The following PCDH11X variants were observed in gnomAD, a reference collection of about 807,000 sequenced individuals.
PCDH11X encodes protocadherin-11 X-linked.
Under a neutral mutation model 53.3 loss-of-function variants are expected in PCDH11X, and 18 were observed. The ratio of observed to expected loss-of-function variants is 0.34; its 90% CI spans 0.23 to 0.50. PCDH11X has a LOEUF of 0.50. PCDH11X is among the 20% of genes least tolerant of loss of function. The pLI is 0.98. For missense variants in PCDH11X, 570 were observed against 1,032.4 expected (o/e 0.55, Z 6.14); for synonymous variants, 279 against 393.3 (o/e 0.71, Z 3.44).
chrX:92,196,250 T>G (rs2066290507), intron 6 of PCDH11X, among the ~76,000 whole-genome samples: 1 of 112,128 alleles, frequency 8.9e-6, no homozygotes, highest in African/African-American at 3.2e-5. Flanking sequence ...TAGATACATT[T>G]TAAACATTTA....
At chrX:92,460,778 G>C in intron 9 of PCDH11X, 2 of 1,166,004 alleles carry the variant, frequency 1.7e-6, no homozygotes, top group Non-Finnish European at 2.3e-6. Flanking sequence ...AGGTCAAGCT[G>C]GAGGCTGAGA....
chrX:92,148,353 G>A (rs1280038501), intron 6 of PCDH11X, among the ~76,000 whole-genome samples: 5 of 102,391 alleles, frequency 4.9e-5, no homozygotes, highest in African/African-American at 1.1e-4. Flanking sequence ...CTCAGCCTCC[G>A]AGTAGCTGGG....
chrX:91,827,111 C>T (rs1936951098), intron 4 of PCDH11X, among the ~76,000 whole-genome samples: 1 of 111,566 alleles, frequency 9.0e-6, no homozygotes, highest in African/African-American at 3.3e-5. Context: ...TTGTCTGCAA[C>T]CTCGCCAGCA....
chrX:92,124,189 A>G, intron 6 of PCDH11X, among the ~76,000 whole-genome samples: 1 of 111,005 alleles, frequency 9.0e-6, no homozygotes, highest in Non-Finnish European at 1.9e-5. Context: ...TAATTAAGAT[A>G]TACTTCAGTG....
At chrX:92,586,977 C>CTTTTTT (rs34675403) in intron 10 of PCDH11X, among the ~76,000 whole-genome samples, 3 of 72,933 alleles carry the variant, frequency 4.1e-5, no homozygotes, top group African/African-American at 1.0e-4. Context: ...ACACAGAAGC[C>CTTTTTT]TTTTTTTTTT....
intron 6 of PCDH11X, among the ~76,000 whole-genome samples, chrX:91,972,892 G>T (rs1239209794): frequency 9.0e-6 from 1 of 111,052 alleles, no homozygotes; most frequent in Non-Finnish European, 1.9e-5. Flanking sequence ...ATTCCTCATG[G>T]ATCTAGAACT....
chrX:92,049,839 T>A (rs1430326478), intron 6 of PCDH11X, among the ~76,000 whole-genome samples: 2 of 111,762 alleles, frequency 1.8e-5, no homozygotes, highest in Non-Finnish European at 3.8e-5. Context: ...AGTGGCACAA[T>A]CTCTGCTCAC....
intron 9 of PCDH11X, among the ~76,000 whole-genome samples, chrX:92,399,737 GTATTTATT>G (rs57660372): frequency 9.5e-6 from 1 of 104,912 alleles, no homozygotes; most frequent in Admixed American, 1.1e-4. Flanking sequence ...CATCTTATTT[GTATTTATT>G]TATTTATTTA....
intron 6 of PCDH11X, among the ~76,000 whole-genome samples, chrX:91,980,565 G>A (rs186482334): frequency 4.8e-4 from 53 of 110,511 alleles, no homozygotes; most frequent in African/African-American, 1.7e-3. Context: ...TCAGCCTTCC[G>A]AGTAGCTGGG....
intron 9 of PCDH11X, among the ~76,000 whole-genome samples, chrX:92,452,534 T>C (rs1331100228): frequency 1.3e-4 from 11 of 87,831 alleles, no homozygotes; most frequent in African/African-American, 4.7e-4. Context: ...AGTCTTGCTC[T>C]GTCACCAGGC....
chrX:91,950,607 T>TATATAC (rs772420274), intron 6 of PCDH11X, among the ~76,000 whole-genome samples: 1 of 97,764 alleles, frequency 1.0e-5, no homozygotes, highest in African/African-American at 4.1e-5. Flanking sequence ...TATATATATA[T>TATATAC]ACACACACAC....
At chrX:92,486,245 T>C (rs2073639053) in intron 10 of PCDH11X, among the ~76,000 whole-genome samples, 1 of 111,549 alleles carries the variant, frequency 9.0e-6, no homozygotes, top group African/African-American at 3.3e-5. Context: ...ACTTGCATTA[T>C]GGTTGAAAAT....
intron 8 of PCDH11X, among the ~76,000 whole-genome samples, chrX:92,297,195 G>A (rs1194801491): frequency 9.1e-6 from 1 of 110,252 alleles, no homozygotes; most frequent in Non-Finnish European, 1.9e-5. Context: ...AATTGCTTTT[G>A]ATTTCTCTGT....
At chrX:92,006,170 GTTA>G (rs1375040329) in intron 6 of PCDH11X, among the ~76,000 whole-genome samples, 2 of 109,836 alleles carry the variant, frequency 1.8e-5, no homozygotes, top group Middle Eastern at 4.8e-3. Flanking sequence ...GAAGTTTTCT[GTTA>G]TTATCCCTTT....
chrX:92,589,044 A>G (rs1222351016), intron 10 of PCDH11X, among the ~76,000 whole-genome samples: 1 of 111,463 alleles, frequency 9.0e-6, no homozygotes, highest in Non-Finnish European at 1.9e-5. Flanking sequence ...ACAAAACAAA[A>G]CAACCAACAA....
Position 91,811,179 on chromosome X carries a change from T to G in PCDH11X, c.-103-58T>G, listed in dbSNP as rs758122733. ...TCATTTAAGTTTAAACTGATTACAATGTACTGGAGGCAAAGACCTTTTTCT... is the reference window on the plus strand; with the variant it reads ...TCATTTAAGTTTAAACTGATTACAAGGTACTGGAGGCAAAGACCTTTTTCT... On this transcript the variant is annotated intron_variant, in intron 3 of 10. Coordinates refer to ENST00000682573, the MANE Select transcript of PCDH11X (RefSeq NM_032968.5). The G allele has an allele frequency of 1.9e-5, 20 of 1,049,790 alleles. No individual in the cohort carries two copies. The African/African-American group carries it at 3.7e-4, about 19-fold the overall frequency. The allele number at this position is 1,049,790 out of a possible 1,213,427, so 86.5% of individuals were successfully genotyped here.
At chrX:92,443,683 T>C (rs1382633766) in intron 9 of PCDH11X, among the ~76,000 whole-genome samples, 1 of 110,914 alleles carries the variant, frequency 9.0e-6, no homozygotes, top group Non-Finnish European at 1.9e-5. Flanking sequence ...CTTCAACTTA[T>C]CTTGAGTTAA....
chrX:92,308,982 A>T (rs771548465), intron 8 of PCDH11X, among the ~76,000 whole-genome samples: 4 of 111,065 alleles, frequency 3.6e-5, no homozygotes, highest in African/African-American at 1.3e-4. Context: ...AAAGAAAAGG[A>T]AATACCAAGT....
intron 5 of PCDH11X, among the ~76,000 whole-genome samples, chrX:91,859,090 G>A (rs1938514409): frequency 9.1e-6 from 1 of 109,992 alleles, no homozygotes; most frequent in Non-Finnish European, 1.9e-5. Flanking sequence ...CAACAACAGT[G>A]TAAAAGCTTT....
Sources: gnomAD v4.1 joint callset for allele counts (sites outside exome capture counted in the v4.1 genomes callset) on GRCh38, gnomAD v4.1.1 for gene constraint, MANE v1.5 for transcripts, NCBI Gene and HGNC (gene_info 2026-07-23, HGNC 2026-07-21) for gene names.